ZNF169: variants seen among roughly 807,000 people sequenced by gnomAD.
ZNF169 encodes zinc finger protein 169.
Under a neutral mutation model 12.0 loss-of-function variants are expected in ZNF169, and 11 were observed. The ratio of observed to expected loss-of-function variants is 0.92; its 90% confidence interval spans 0.58 to 1.52. The LOEUF is 1.52. Among genes scored for constraint, ZNF169 ranks in the 40% most tolerant of loss-of-function variants. The probability of loss-of-function intolerance (pLI) is 0.00; values close to 1 mark genes in which losing one functional copy is unlikely to be tolerated. For missense variants in ZNF169, 722 were observed against 744.0 expected (o/e 0.97, Z 0.34); for synonymous variants, 302 against 286.5 (o/e 1.05, Z -0.55).
chr9:94,284,142 G>C lies in ZNF169; in HGVS notation c.33+5297G>C, dbSNP rs112660030. 6.5e-3 allele frequency among the ~76,000 whole-genome samples: 966 copies of C among 148,402 alleles called. 12 individuals carry two copies. Among genetic ancestry groups the C allele is most frequent in the African/African-American group, 0.023 (915 of 40,312 alleles). On this transcript the variant is annotated intron_variant, in intron 2 of 4. Coordinates refer to ENST00000395395, the MANE Select transcript of ZNF169 (RefSeq NM_194320.4). ...GAATTAGTAATAAAAATCCTCCCAAGGGTCGGGCGCAGTGGCTCATACCTG... is the reference window on the plus strand; with the variant it reads ...GAATTAGTAATAAAAATCCTCCCAACGGTCGGGCGCAGTGGCTCATACCTG...
intron 1 of ZNF169, among the ~76,000 whole-genome samples, chr9:94,274,648 T>A (rs1341211729): frequency 6.6e-6 from 1 of 152,178 alleles, no homozygotes; most frequent in East Asian, 1.9e-4. Context: ...CGTAACCTAG[T>A]CTACCTTAAA....
intron 1 of ZNF169, among the ~76,000 whole-genome samples, chr9:94,273,861 G>C (rs1056540499): frequency 1.3e-5 from 2 of 152,172 alleles, no homozygotes; most frequent in Non-Finnish European, 2.9e-5. Context: ...TTACAGGCGT[G>C]AGCCACTGCG....
intron 4 of ZNF169, 166 bp downstream of exon 4, chr9:94,293,235 C>A: frequency 3.0e-6 from 2 of 660,446 alleles, no homozygotes; most frequent in Admixed American, 2.4e-5. Context: ...TGTGTGCCTC[C>A]CCCCAGGACA....
At chr9:94,291,681 T>C (rs888473033) in intron 2 of ZNF169, among the ~76,000 whole-genome samples, 2 of 152,182 alleles carry the variant, frequency 1.3e-5, no homozygotes, top group Non-Finnish European at 2.9e-5. Context: ...CATGAACATA[T>C]GGTCACTGAA....
chr9:94,270,734 TA>T (rs1314328812), intron 1 of ZNF169, among the ~76,000 whole-genome samples: 508 of 15,900 alleles, frequency 0.032, 30 homozygotes, highest in South Asian at 0.14. Context: ...ATATATTATA[TA>T]ATTAATGTAT....
chr9:94,289,881 T>A (rs1830797753), intron 2 of ZNF169, among the ~76,000 whole-genome samples: 1 of 151,946 alleles, frequency 6.6e-6, no homozygotes, highest in South Asian at 2.1e-4. Flanking sequence ...CCATGAGAAA[T>A]TTGTAAAGAA....
chr9:94,298,113 G>A lies in ZNF169; in HGVS notation c.257-1702G>A, dbSNP rs182208274. Reference sequence around the variant, plus strand: ...ACCCAGGAGGTGGAGGTTGCAGTGGGCTGAGATAGTGCCACTGTACTCCAG... The same window carrying A: ...ACCCAGGAGGTGGAGGTTGCAGTGGACTGAGATAGTGCCACTGTACTCCAG... On this transcript the variant is annotated intron_variant, in intron 4 of 4. Transcript: ENST00000395395. 4.8e-3 allele frequency among the ~76,000 whole-genome samples: 734 copies of A among 151,676 alleles called. 3 individuals are homozygous for A. The highest frequency in any genetic ancestry group is 8.8e-3 in the Admixed American group (134 of 15,230).
At chr9:94,284,474 G>T (rs1441965951) in intron 2 of ZNF169, among the ~76,000 whole-genome samples, 1 of 151,986 alleles carries the variant, frequency 6.6e-6, no homozygotes, top group East Asian at 1.9e-4. Flanking sequence ...CTTGCACCAG[G>T]TAGCAATTTT....
chr9:94,295,001 A>G (rs1374973683), intron 4 of ZNF169: 1 of 152,194 alleles, frequency 6.6e-6, no homozygotes, highest in Non-Finnish European at 1.5e-5. Flanking sequence ...CTATGTAGCA[A>G]CTGAGTGCTT....
chr9:94,279,372 T>C (rs1287243323), intron 2 of ZNF169, among the ~76,000 whole-genome samples: 3 of 141,918 alleles, frequency 2.1e-5, no homozygotes, highest in South Asian at 2.3e-4. Context: ...GCCTGGGCGA[T>C]AGAGTGAGAC....
intron 1 of ZNF169, among the ~76,000 whole-genome samples, chr9:94,272,100 G>A (rs559938674): frequency 1.2e-4 from 18 of 152,130 alleles, no homozygotes; most frequent in East Asian, 5.8e-4. Context: ...GGGGCCTGTC[G>A]TTTTTATTTT....
chr9:94,291,409 A>G (rs1428776516), intron 2 of ZNF169, among the ~76,000 whole-genome samples: 1 of 152,156 alleles, frequency 6.6e-6, no homozygotes, highest in African/African-American at 2.4e-5. Context: ...TTGGGAACAA[A>G]CCAACGTTAT....
chr9:94,287,261 A>T (rs1170756684), intron 2 of ZNF169, among the ~76,000 whole-genome samples: 2 of 152,220 alleles, frequency 1.3e-5, no homozygotes, highest in Admixed American at 1.3e-4. Flanking sequence ...AATCATCTTT[A>T]ACTTGGGGGT....
intron 1 of ZNF169, among the ~76,000 whole-genome samples, chr9:94,275,366 G>A (rs1289999898): frequency 6.6e-6 from 1 of 152,190 alleles, no homozygotes; most frequent in African/African-American, 2.4e-5. Flanking sequence ...TTGGAGATTT[G>A]TTTTCTATGC....
At chr9:94,268,642 G>A (rs1432609533) in intron 1 of ZNF169, among the ~76,000 whole-genome samples, 2 of 151,724 alleles carry the variant, frequency 1.3e-5, no homozygotes, top group African/African-American at 4.8e-5. Context: ...ACAAAAATTA[G>A]CTGGGCGGGG....
At chr9:94,265,249 A>T (rs1830273180) in intron 1 of ZNF169, among the ~76,000 whole-genome samples, 1 of 152,036 alleles carries the variant, frequency 6.6e-6, no homozygotes, top group African/African-American at 2.4e-5. Flanking sequence ...GTAACCGGTT[A>T]CAGGGAGAAG....
At chr9:94,294,710 G>A (rs750908252) in intron 4 of ZNF169, 2 of 152,172 alleles carry the variant, frequency 1.3e-5, no homozygotes, top group African/African-American at 2.4e-5. Context: ...CTTTTCATAT[G>A]TTGCTTGGCC....
intron 4 of ZNF169, among the ~76,000 whole-genome samples, chr9:94,298,510 G>A (rs986066201): frequency 7.2e-5 from 11 of 151,894 alleles, no homozygotes; most frequent in South Asian, 6.3e-4. Flanking sequence ...GTGAAACCCC[G>A]TCTCTCACCT....
At chr9:94,288,566 G>A (rs1002428478) in intron 2 of ZNF169, 15 of 469,078 alleles carry the variant, frequency 3.2e-5, no homozygotes, top group Middle Eastern at 6.7e-4. Flanking sequence ...CAGAGGTGGC[G>A]GCAACAGGCT....
Sources: allele counts gnomAD v4.1 joint callset (sites outside exome capture counted in the v4.1 genomes callset), GRCh38; gene constraint gnomAD v4.1.1; transcripts MANE v1.5; gene names NCBI Gene and HGNC (gene_info 2026-07-23, HGNC 2026-07-21).